The following SORCS2 variants were observed in gnomAD, a reference collection of about 807,000 sequenced individuals.
The protein encoded by SORCS2 is sortilin related VPS10 domain containing receptor 2.
A neutral mutation model predicts 141.6 loss-of-function variants in SORCS2; 100 were observed. That is an observed-to-expected ratio of 0.71 (90% confidence interval 0.60 to 0.83). The LOEUF (loss-of-function observed/expected upper bound fraction) is 0.83. Among genes scored for constraint, SORCS2 ranks in the 40% least tolerant of loss-of-function variants. SORCS2 has a pLI of 0.00. For synonymous variants in SORCS2, 789 were observed against 676.9 expected (o/e 1.17, Z -2.57); for missense variants, 1,646 against 1,560.2 (o/e 1.05, Z -0.93).
intron 1 of SORCS2, among the ~76,000 whole-genome samples, chr4:7,355,594 G>T (rs1055022099): frequency 4.5e-4 from 68 of 152,244 alleles, no homozygotes; most frequent in African/African-American, 1.6e-3. Flanking sequence ...TCCTGTGTGG[G>T]TCCGAGGGAG....
chr4:7,482,811 C>T (rs1471728604), intron 2 of SORCS2, among the ~76,000 whole-genome samples: 1 of 149,242 alleles, frequency 6.7e-6, no homozygotes, highest in African/African-American at 2.6e-5. Context: ...GACCTGTATC[C>T]CCACTGCGGA....
chr4:7,287,164 G>A lies in SORCS2; in HGVS notation c.480+94038G>A, dbSNP rs376781197. ...TCTCCTGCCTTGCCCAATGAGGGGT[G>A]CAAAGTGTCCTTAATGACCGACCAA... On this transcript the variant is annotated intron_variant, in intron 1 of 26. Transcript: ENST00000507866. Among the ~76,000 whole-genome samples the A allele has an allele frequency of 1.5e-4, 23 of 152,318 alleles. No homozygotes were observed. The East Asian group carries it at 3.9e-3, about 26-fold the overall frequency.
At chr4:7,739,203 C>T (rs1011222987) in intron 26 of SORCS2, among the ~76,000 whole-genome samples, 1 of 152,226 alleles carries the variant, frequency 6.6e-6, no homozygotes, top group African/African-American at 2.4e-5. Context: ...AGTGGCTATA[C>T]AGCTGTGTGC....
At chr4:7,707,464 G>A (rs1324823121) in intron 14 of SORCS2, among the ~76,000 whole-genome samples, 3 of 152,232 alleles carry the variant, frequency 2.0e-5, no homozygotes, top group Non-Finnish European at 4.4e-5. Flanking sequence ...GGAAGAAGTG[G>A]TGAGTGTGGA....
intron 11 of SORCS2, among the ~76,000 whole-genome samples, chr4:7,691,790 C>G (rs572955729): frequency 1.3e-5 from 2 of 152,094 alleles, no homozygotes; most frequent in Non-Finnish European, 2.9e-5. Context: ...TTCGCTGAAA[C>G]CCCAAATTCT....
At chr4:7,739,637 G>T (rs1384004491) in intron 26 of SORCS2, among the ~76,000 whole-genome samples, 3 of 152,150 alleles carry the variant, frequency 2.0e-5, no homozygotes, top group Non-Finnish European at 2.9e-5. Context: ...AAGGACTCAG[G>T]TGTGTCTGGG....
chr4:7,198,703 T>C (rs1488624219), intron 1 of SORCS2, among the ~76,000 whole-genome samples: 3 of 152,134 alleles, frequency 2.0e-5, no homozygotes, highest in Non-Finnish European at 4.4e-5. Context: ...GTGCCTGTCA[T>C]ACTTGCTGTC....
intron 2 of SORCS2, among the ~76,000 whole-genome samples, chr4:7,494,098 T>C (rs1293706557): frequency 6.6e-6 from 1 of 152,170 alleles, no homozygotes; most frequent in Non-Finnish European, 1.5e-5. Context: ...GACAGATGCA[T>C]GGATGCACGT....
intron 3 of SORCS2, among the ~76,000 whole-genome samples, chr4:7,583,010 T>C (rs946480610): frequency 8.6e-6 from 1 of 116,702 alleles, no homozygotes; most frequent in Non-Finnish European, 2.1e-5. Context: ...TCAATTCACA[T>C]TTGTTGAAAT....
rs149893574 is a variant in SORCS2, at chr4:7,197,147, A to G, written c.480+4021A>G. ...GGGCTCGCAGATGCCACCTTCTCCC[A>G]TGTCTCCACATGGTCTTCCCTCTGT... is the stretch of plus-strand genomic sequence containing the variant. On this transcript the variant is annotated intron_variant, in intron 1 of 26. Coordinates refer to ENST00000507866, the MANE Select transcript of SORCS2 (RefSeq NM_020777.3). 8.3e-4 allele frequency among the ~76,000 whole-genome samples: 126 copies of G among 152,264 alleles called. 2 individuals are homozygous for G. Among genetic ancestry groups the G allele is most frequent in the Middle Eastern group, 6.8e-3 (2 of 294 alleles).
At chr4:7,336,532 A>ACGCAATCCC (rs1448179213) in intron 1 of SORCS2, among the ~76,000 whole-genome samples, 3 of 94,424 alleles carry the variant, frequency 3.2e-5, no homozygotes, top group African/African-American at 1.4e-4. Context: ...CCGTGCCCAG[A>ACGCAATCCC]ACAGATGGAT....
At chr4:7,251,252 C>T (rs952824569) in intron 1 of SORCS2, among the ~76,000 whole-genome samples, 5 of 152,176 alleles carry the variant, frequency 3.3e-5, no homozygotes, top group African/African-American at 1.2e-4. Context: ...CTGAGCTCTG[C>T]CTCTTTTCTT....
chr4:7,693,964 G>A (rs372615693), intron 11 of SORCS2, among the ~76,000 whole-genome samples: 7 of 152,194 alleles, frequency 4.6e-5, no homozygotes, highest in South Asian at 2.1e-4. Context: ...GAGCACCGGC[G>A]GAACCTGGAA....
At chr4:7,602,510 AGAC>A (rs568431173) in intron 3 of SORCS2, among the ~76,000 whole-genome samples, 1,853 of 141,994 alleles carry the variant, frequency 0.013, 50 homozygotes, top group African/African-American at 0.048. Context: ...CCCACATCTC[AGAC>A]GATGGGCGGC....
rs79833213 is a variant in SORCS2, at chr4:7,321,853, A to G, written c.481-74435A>G. Among the ~76,000 whole-genome samples, 429 of 152,082 alleles carry G rather than the reference A, an allele frequency of 2.8e-3. 5 individuals carry two copies. Among genetic ancestry groups the G allele is most frequent in the African/African-American group, 9.3e-3 (384 of 41,494 alleles). On this transcript the variant is annotated intron_variant, in intron 1 of 26. Coordinates refer to ENST00000507866, the MANE Select transcript of SORCS2 (RefSeq NM_020777.3). ...ATGGAATGAGCCAGGGCCTGAGGAT[A>G]GTTCCCACCCTCTGGGGCCCTGAGG...
At chr4:7,273,196 C>A (rs990475675) in intron 1 of SORCS2, among the ~76,000 whole-genome samples, 1 of 152,190 alleles carries the variant, frequency 6.6e-6, no homozygotes, top group African/African-American at 2.4e-5. Context: ...AAAACAGACA[C>A]AAATGCATAT....
intron 1 of SORCS2, among the ~76,000 whole-genome samples, chr4:7,348,461 A>C (rs1396208796): frequency 2.0e-5 from 3 of 152,152 alleles, no homozygotes; most frequent in African/African-American, 7.2e-5. Context: ...ATCAGCCTCC[A>C]CTTTATAGAT....
At chr4:7,634,145 G>A (rs939069861) in intron 3 of SORCS2, among the ~76,000 whole-genome samples, 32 of 151,258 alleles carry the variant, frequency 2.1e-4, no homozygotes, top group African/African-American at 7.2e-4. Flanking sequence ...AGGCCAAGGC[G>A]GTTGGATCAC....
intron 3 of SORCS2, among the ~76,000 whole-genome samples, chr4:7,536,342 G>T (rs938354905): frequency 2.0e-5 from 3 of 152,228 alleles, no homozygotes; most frequent in African/African-American, 7.2e-5. Flanking sequence ...AGTGGTCTTT[G>T]CAACAAGTGG....
Sources: allele counts gnomAD v4.1 joint callset (sites outside exome capture counted in the v4.1 genomes callset), GRCh38; gene constraint gnomAD v4.1.1; transcripts MANE v1.5; gene names NCBI Gene and HGNC (gene_info 2026-07-23, HGNC 2026-07-21).